The following ADH6 variants were observed in gnomAD, a reference collection of about 807,000 sequenced individuals.
ADH6 encodes alcohol dehydrogenase 6.
Under a neutral mutation model 36.5 loss-of-function variants are expected in ADH6, and 34 were observed. That is an observed-to-expected ratio of 0.93 (90% CI 0.71 to 1.24). ADH6 has a LOEUF of 1.24. Among genes scored for constraint, ADH6 ranks in the 50% most tolerant of loss-of-function variants. ADH6 has a pLI of 0.00. For missense variants in ADH6, 440 were observed against 447.0 expected, an observed-to-expected ratio of 0.98 and a Z score of 0.14; for synonymous variants, 161 against 155.5, an observed-to-expected ratio of 1.04 and a Z score of -0.26.
intron 1 of ADH6, 90 bp downstream of exon 1, chr4:99,219,045 A>G: frequency 1.5e-6 from 2 of 1,301,042 alleles, no homozygotes; most frequent in Non-Finnish European, 2.2e-6. Context: ...AGGAGCCCAG[A>G]GACTAGCTGG....
intron 2 of ADH6, 186 bp downstream of exon 2, chr4:99,215,975 C>T (rs1051883515): frequency 5.0e-6 from 2 of 400,642 alleles, no homozygotes; most frequent in Non-Finnish European, 4.4e-6. Context: ...TGCTTTACCT[C>T]CCTAACCTTT....
At chr4:99,210,903 A>G (rs961668989) in intron 3 of ADH6, among the ~76,000 whole-genome samples, 25 of 152,116 alleles carry the variant, frequency 1.6e-4, no homozygotes, top group African/African-American at 5.8e-4. Context: ...TAAGCTCTGG[A>G]TTAGGGAGAA....
At chr4:99,213,055 T>G (rs1299952301) in intron 3 of ADH6, among the ~76,000 whole-genome samples, 1 of 152,154 alleles carries the variant, frequency 6.6e-6, no homozygotes, top group Non-Finnish European at 1.5e-5. Context: ...TCACATTTAA[T>G]TTTTAGATGC....
In ADH6 at chr4:99,203,903, AC is replaced by A. The variant is rs1411558092; in HGVS notation, c.*315del. On this transcript the variant is annotated 3_prime_UTR_variant, in exon 9 of 9. Coordinates refer to ENST00000394899, the MANE Select transcript of ADH6 (RefSeq NM_001102470.2). The stretch of plus-strand genomic sequence containing the variant: ...ATAGTGTACAAGAATATAAAGGTCC[AC>A]AGGTAGAGGAACTATGAAAATGGGA... 2 of 298,392 alleles carry A rather than the reference AC, an allele frequency of 6.7e-6. No homozygotes were observed. The highest frequency in any genetic ancestry group is 1.0e-4 in the Admixed American group (2 of 19,894). 18.5% of individuals were successfully genotyped at this position (298,392 alleles called of 1,614,324 possible).
chr4:99,213,821 G>T, intron 2 of ADH6, 74 bp from the exon 3 acceptor site: 1 of 1,325,272 alleles, frequency 7.5e-7, no homozygotes, highest in Non-Finnish European at 9.9e-7. Flanking sequence ...TGACTGTAAG[G>T]CTTTTTGCTA....
At chr4:99,211,348 T>A (rs1241034498) in intron 3 of ADH6, among the ~76,000 whole-genome samples, 1 of 152,162 alleles carries the variant, frequency 6.6e-6, no homozygotes, top group Non-Finnish European at 1.5e-5. Context: ...TGGGCCTAGC[T>A]TTTTTACTTA....
intron 6 of ADH6, 149 bp downstream of exon 6, chr4:99,208,519 G>A: frequency 1.2e-6 from 1 of 850,896 alleles, no homozygotes; most frequent in Non-Finnish European, 1.8e-6. Context: ...ATTTGTAAGA[G>A]TACACAGACG....
At chr4:99,210,603 C>G (rs1392865210) in intron 3 of ADH6, 101 bp from the exon 4 acceptor site, 11 of 852,194 alleles carry the variant, frequency 1.3e-5, no homozygotes, top group Non-Finnish European at 2.1e-5. Context: ...GAAGAAATGA[C>G]AGCTGAAAAT....
At chr4:99,210,633 G>T in intron 3 of ADH6, 131 bp from the exon 4 acceptor site, 3 of 680,806 alleles carry the variant, frequency 4.4e-6, no homozygotes, top group Non-Finnish European at 7.7e-6. Flanking sequence ...ATTCAGTTGT[G>T]CTTGATACCA....
At chr4:99,214,423 C>A (rs1731332740) in intron 2 of ADH6, among the ~76,000 whole-genome samples, 1 of 152,076 alleles carries the variant, frequency 6.6e-6, no homozygotes, top group Non-Finnish European at 1.5e-5. Context: ...GAAATTGGAA[C>A]ACAGGAGGCA....
At chr4:99,208,968 A>C in intron 5 of ADH6, 40 bp from the exon 6 acceptor site, 4 of 1,585,380 alleles carry the variant, frequency 2.5e-6, no homozygotes, top group Non-Finnish European at 3.4e-6. Flanking sequence ...AACAAAAAGC[A>C]AAGAGAACAT....
Position 99,202,789 on chromosome 4 carries a change from G to A in ADH6, c.*1430C>T. 1 of 398,162 alleles carries A rather than the reference G, an allele frequency of 2.5e-6. No individual in the cohort carries two copies. Among genetic ancestry groups the A allele is most frequent in the Non-Finnish European group, 4.4e-6 (1 of 225,704 alleles). 24.7% of individuals were successfully genotyped at this position (398,162 alleles called of 1,614,324 possible). On this transcript the variant is annotated 3_prime_UTR_variant, in exon 9 of 9. Transcript: ENST00000394899. ...CAATTTGGGGGCAGAACAGGAACAT[G>A]CCTTAGCTGCTGTCAGGAAATAGAA...
intron 7 of ADH6, among the ~76,000 whole-genome samples, chr4:99,206,725 C>T (rs1360126404): frequency 2.0e-5 from 3 of 152,050 alleles, no homozygotes; most frequent in African/African-American, 7.2e-5. Flanking sequence ...ATTCTCATCT[C>T]TTTTTGCCCA....
At chr4:99,208,962 A>G (rs750723083) in intron 5 of ADH6, 34 bp from the exon 6 acceptor site, 2 of 1,588,192 alleles carry the variant, frequency 1.3e-6, no homozygotes, top group Non-Finnish European at 1.7e-6. Flanking sequence ...TCAGAAAACA[A>G]AAAGCAAAGA....
chr4:99,212,978 C>G (rs1180655753), intron 3 of ADH6, among the ~76,000 whole-genome samples: 3 of 137,922 alleles, frequency 2.2e-5, no homozygotes, highest in Non-Finnish European at 4.6e-5. Context: ...TTAAAATTTC[C>G]TTCCCTCCTC....
intron 5 of ADH6, among the ~76,000 whole-genome samples, 160 bp downstream of exon 5, chr4:99,209,922 G>C (rs1439580685): frequency 3.3e-5 from 5 of 152,094 alleles, no homozygotes; most frequent in Non-Finnish European, 4.4e-5. Context: ...AATGTTGAAG[G>C]GGGTGTGGGA....
chr4:99,213,179 A>G (rs561681766), intron 3 of ADH6, among the ~76,000 whole-genome samples: 1 of 152,308 alleles, frequency 6.6e-6, no homozygotes, highest in Non-Finnish European at 1.5e-5. Context: ...TCTATTCTTA[A>G]GTTTGAAAGA....
chr4:99,216,236 G>T lies in ADH6; in HGVS notation c.45C>A (p.Leu15=). 6.3e-7 allele frequency: 1 copy of T among 1,579,688 alleles called. No homozygotes were observed. Among genetic ancestry groups the T allele is most frequent in the South Asian group, 1.2e-5 (1 of 84,798 alleles). ...GQVIRCKAAI[L]WKPGAPFSIE... ...TAGAAAATGGTGCACCAGGCTTCCA[G>T]AGTATGGCTGCTTTGCATCTGATGA... The change falls in exon 2 of 9, where the codon CTC becomes CTA. Residue 15 remains leucine (L), a synonymous_variant. Coordinates refer to ENST00000394899, the MANE Select transcript of ADH6 (RefSeq NM_001102470.2).
At chr4:99,207,001 A>G (rs1265726493) in intron 7 of ADH6, among the ~76,000 whole-genome samples, 2 of 151,990 alleles carry the variant, frequency 1.3e-5, no homozygotes, top group African/African-American at 4.8e-5. Flanking sequence ...TCAAGAATCC[A>G]TTGTGTTTAA....
Sources: gnomAD v4.1 joint callset for allele counts (sites outside exome capture counted in the v4.1 genomes callset) on GRCh38, gnomAD v4.1.1 for gene constraint, MANE v1.5 for transcripts, NCBI Gene and HGNC (gene_info 2026-07-23, HGNC 2026-07-21) for gene names.